Variants in PHF19 observed in about 807,000 individuals in gnomAD.
PHF19 encodes the protein PHD finger protein 19.
Under a neutral mutation model 79.8 loss-of-function variants are expected in PHF19, and 21 were observed. The ratio of observed to expected loss-of-function variants is 0.26; its 90% CI spans 0.19 to 0.38. The LOEUF (loss-of-function observed/expected upper bound fraction) is 0.38, where lower values mean the gene tolerates loss of function less well. PHF19 is among the 10% of genes least tolerant of loss of function. PHF19 has a pLI of 1.00. For synonymous variants in PHF19, 273 were observed against 296.3 expected (o/e 0.92, Z 0.81); for missense variants, 445 against 744.2 (o/e 0.60, Z 4.68).
chr9:120,860,192 G>C lies in PHF19; in HGVS notation c.1305-7C>G. 6.5e-7 allele frequency: 1 copy of C among 1,543,918 alleles called. No homozygotes were observed. The highest frequency in any genetic ancestry group is 1.4e-5 in the African/African-American group (1 of 73,698). On this transcript the variant is annotated splice_region_variant and splice_polypyrimidine_tract_variant and intron_variant, in intron 13 of 14. Transcript: ENST00000373896. The surrounding 1 kb of genome is among the most constrained non-coding windows in gnomAD (Gnocchi z 4.1). Reference sequence around the variant, plus strand: ...GGTCTGGCCTGAGCTGGCACTGAGAGGGGCAAGACCGTGAGCCTGCTGGTG... The same window carrying C: ...GGTCTGGCCTGAGCTGGCACTGAGACGGGCAAGACCGTGAGCCTGCTGGTG...
rs1350132347 is a variant in PHF19 at position 120,865,701 on chromosome 9, C to G, written c.900+9G>C. 6 of 1,614,006 alleles carry G rather than the reference C, an allele frequency of 3.7e-6. No individual in the cohort carries two copies. Among genetic ancestry groups the G allele is most frequent in the Non-Finnish European group, 5.1e-6 (6 of 1,179,980 alleles). On this transcript the variant is annotated intron_variant, in intron 9 of 14. Coordinates refer to ENST00000373896, the MANE Select transcript of PHF19 (RefSeq NM_015651.3). The stretch of plus-strand genomic sequence containing the variant: ...CCTCCTGCCACTGACATCCCACAAC[C>G]CCACATACCTTGCCAAGCTGCAGGA...
At chr9:120,879,641 T>C (rs947179064), upstream of PHF19, among the ~76,000 whole-genome samples, 25 of 152,094 alleles carry the variant, frequency 1.6e-4, no homozygotes, top group African/African-American at 5.6e-4. Flanking sequence ...GAACAGGAAA[T>C]TATAAATGCC....
At position 120,862,885 on chromosome 9, in the gene PHF19, G is replaced by C. The variant is rs983733637; in HGVS notation, c.969-136C>G. 56 of 788,966 alleles carry C rather than the reference G, an allele frequency of 7.1e-5. 2 individuals are homozygous for C. The South Asian group carries it at 8.7e-4, about 12-fold the overall frequency. 48.9% of individuals were successfully genotyped at this position (788,966 alleles called of 1,614,324 possible). A position where few individuals can be genotyped will look rare whatever the true frequency, so the allele number is the denominator to read the frequency against. On this transcript the variant is annotated intron_variant, in intron 10 of 14. Coordinates refer to ENST00000373896, the MANE Select transcript of PHF19 (RefSeq NM_015651.3). This position sits in a 1 kb window ranked among gnomAD's most constrained non-coding sequence, Gnocchi z 4.6. ...AATCCGGATGGTCTCTGCAGATGCT[G>C]ACTTCCTCAAAGCCCATGGGATGCG... is the stretch of plus-strand genomic sequence containing the variant.
intron 3 of PHF19, among the ~76,000 whole-genome samples, chr9:120,873,037 A>G (rs2045951048): frequency 6.6e-6 from 1 of 152,180 alleles, no homozygotes; most frequent in African/African-American, 2.4e-5. Flanking sequence ...TACTTTCACT[A>G]TCACCTCTCA....
chr9:120,878,970 C>G (rs2046136958), upstream of PHF19, among the ~76,000 whole-genome samples: 1 of 152,176 alleles, frequency 6.6e-6, no homozygotes, highest in African/African-American at 2.4e-5. Flanking sequence ...TGCTGGGGGA[C>G]AGAGATGATA....
chr9:120,901,645 C>A, the PHF19 span, among the ~76,000 whole-genome samples: 1 of 152,132 alleles, frequency 6.6e-6, no homozygotes, highest in African/African-American at 2.4e-5. Context: ...CCCCTCGGAC[C>A]CTTGGCTCAT....
upstream of PHF19, among the ~76,000 whole-genome samples, chr9:120,895,300 C>A (rs911265216): frequency 6.6e-6 from 1 of 152,024 alleles, no homozygotes; most frequent in African/African-American, 2.4e-5. Context: ...GAACTGTCCC[C>A]TTAATCCCGG....
rs550180073 is a variant in PHF19, at chr9:120,869,513, G to A, written c.466-183C>T. On this transcript the variant is annotated intron_variant, in intron 5 of 14. Transcript: ENST00000373896. The surrounding 1 kb of genome is among the most constrained non-coding windows in gnomAD (Gnocchi z 5.8). ...AAACCCATCCCCTCTATCCCAGAAGGAACTCCGTTGATAACAGAATTAAGA... is the reference window on the plus strand; with the variant it reads ...AAACCCATCCCCTCTATCCCAGAAGAAACTCCGTTGATAACAGAATTAAGA... 7.3e-7 allele frequency: 1 copy of A among 1,369,646 alleles called. No individual in the cohort carries two copies. Among genetic ancestry groups the A allele is most frequent in the African/African-American group, 1.5e-5 (1 of 68,718 alleles). 84.8% of individuals were successfully genotyped at this position (1,369,646 alleles called of 1,614,324 possible). A position where few individuals can be genotyped will look rare whatever the true frequency, so the allele number is the denominator to read the frequency against.
chr9:120,884,362 C>G (rs1383978967), intron 1 of PHF19, among the ~76,000 whole-genome samples: 1 of 152,090 alleles, frequency 6.6e-6, no homozygotes, highest in African/African-American at 2.4e-5. Context: ...AGTCGATCCG[C>G]GTGAGGTGGA....
At position 120,869,778 on chromosome 9, in the gene PHF19, G is replaced by A. The variant is rs1157335762; in HGVS notation, c.465+67C>T. On this transcript the variant is annotated intron_variant, in intron 5 of 14. Coordinates refer to ENST00000373896, the MANE Select transcript of PHF19 (RefSeq NM_015651.3). This position sits in a 1 kb window ranked among gnomAD's most constrained non-coding sequence, Gnocchi z 5.8. ...TGCTTGGAGCTCAGACTCTGTGATG[G>A]GAGTCTCTGGTCTGCCCCACTGGAG... 10 of 1,607,148 alleles carry A rather than the reference G, an allele frequency of 6.2e-6. No homozygotes were observed. The highest frequency in any genetic ancestry group is 8.5e-6 in the Non-Finnish European group (10 of 1,177,262).
rs1225903980 is a variant in PHF19 at position 120,866,691 on chromosome 9, T to C, written c.710+179A>G. Among the ~76,000 whole-genome samples the C allele has an allele frequency of 2.6e-5, 4 of 152,236 alleles. No homozygotes were observed. The highest frequency in any genetic ancestry group is 2.1e-4 in the South Asian group (1 of 4,834). ...CCCAGCATACTTCTTTATTGCCTCC[T>C]GGCCCTGCATAGCTAGGGGATCCCC... On this transcript the variant is annotated intron_variant, in intron 7 of 14. Transcript: ENST00000373896. The surrounding 1 kb of genome is among the most constrained non-coding windows in gnomAD (Gnocchi z 5.2).
chr9:120,882,842 CAAAA>C (rs35003037), intron 1 of PHF19, among the ~76,000 whole-genome samples: 1 of 109,684 alleles, frequency 9.1e-6, no homozygotes. Flanking sequence ...AACTCCATCT[CAAAA>C]AAAAAAAAAA....
At chr9:120,903,463 T>G in the PHF19 span, 3 of 152,318 alleles carry the variant, frequency 2.0e-5, no homozygotes, top group Admixed American at 6.5e-5. Flanking sequence ...CCTTTGATCC[T>G]CCTGTATGCT....
chr9:120,875,672 G>A (rs1049049756), intron 1 of PHF19, among the ~76,000 whole-genome samples: 2 of 152,024 alleles, frequency 1.3e-5, no homozygotes, highest in Non-Finnish European at 2.9e-5. Flanking sequence ...CAGTTTCCTG[G>A]GCCTTGTGCT....
At position 120,869,156 on chromosome 9, in the gene PHF19, CG is replaced by C. The variant is rs770257219; in HGVS notation, c.614+25del. On this transcript the variant is annotated intron_variant, in intron 6 of 14. Transcript: ENST00000373896. This position sits in a 1 kb window ranked among gnomAD's most constrained non-coding sequence, Gnocchi z 5.8. ...ATTCTTGGAGACCTGCCCTGCCGCC[CG>C]GGGGGCCCTGACCCCCTGCCTTACT... 3 of 1,589,012 alleles carry C rather than the reference CG, an allele frequency of 1.9e-6. No homozygotes were observed. Among genetic ancestry groups the C allele is most frequent in the Non-Finnish European group, 1.7e-6 (2 of 1,167,652 alleles).
the PHF19 span, chr9:120,902,741 A>G: frequency 0.46 from 69,270 of 152,000 alleles, 18,223 homozygotes; most frequent in South Asian, 0.69. Context: ...TGGATCTGGG[A>G]TTCTGTGCTT....
At chr9:120,872,037 CAAAAAAAAAAA>C (rs1170243737) in intron 3 of PHF19, among the ~76,000 whole-genome samples, 48 of 30,320 alleles carry the variant, frequency 1.6e-3, no homozygotes, top group South Asian at 2.5e-3. Context: ...GACTCTGTCT[CAAAAAAAAAAA>C]AAAAAAAAAA....
upstream of PHF19, among the ~76,000 whole-genome samples, chr9:120,897,887 G>A (rs1478716623): frequency 6.7e-6 from 1 of 149,514 alleles, no homozygotes; most frequent in Non-Finnish European, 1.5e-5. Flanking sequence ...GCTGAGGCAG[G>A]AGACCTACTT....
At chr9:120,893,646 C>T (rs559537047) in intron 1 of PHF19, among the ~76,000 whole-genome samples, 1 of 152,296 alleles carries the variant, frequency 6.6e-6, no homozygotes, top group Admixed American at 6.5e-5. Flanking sequence ...TGCACGCATG[C>T]TTTAGAAAGC....
Sources: gnomAD v4.1 joint callset for allele counts (sites outside exome capture counted in the v4.1 genomes callset) on GRCh38, gnomAD v4.1.1 for gene constraint, Gnocchi (gnomAD v3.1) non-coding constraint, MANE v1.5 for transcripts, NCBI Gene and HGNC (gene_info 2026-07-23, HGNC 2026-07-21) for gene names.